CCNB3: variants seen among roughly 807,000 people sequenced by gnomAD.
CCNB3 encodes the protein cyclin B3, also known as G2/mitotic-specific cyclin-B3.
CCNB3 carries 12 observed loss-of-function variants against 68.0 expected under a neutral mutation model. That is an observed-to-expected ratio of 0.18 (90% CI 0.11 to 0.29). CCNB3 has a LOEUF of 0.29. Among genes scored for constraint, CCNB3 ranks in the 10% least tolerant of loss-of-function variants. The pLI, the probability that CCNB3 is intolerant of heterozygous loss-of-function variation, is 1.00. For synonymous variants in CCNB3, 354 were observed against 388.9 expected, an observed-to-expected ratio of 0.91 and a Z score of 1.06; for missense variants, 904 against 993.1, an observed-to-expected ratio of 0.91 and a Z score of 1.21.
Position 50,216,421 on chromosome X carries a change from A to G in CCNB3, c.-113+11471A>G, listed in dbSNP as rs1476333841. 5.5e-5 allele frequency among the ~76,000 whole-genome samples: 6 copies of G among 109,459 alleles called. No homozygotes were observed. In the Admixed American group the frequency reaches 5.9e-4, roughly 11 times the overall value. ...GTAGCTGGGACTACAGGGTCGGGCCACCACACCCAGCTAATTTTTTGTATT... is the reference window on the plus strand; with the variant it reads ...GTAGCTGGGACTACAGGGTCGGGCCGCCACACCCAGCTAATTTTTTGTATT... On this transcript the variant is annotated intron_variant, in intron 1 of 12. Coordinates refer to ENST00000376042, the MANE Select transcript of CCNB3 (RefSeq NM_033031.3).
At chrX:50,282,637 T>G (rs1936160029) in intron 1 of CCNB3, among the ~76,000 whole-genome samples, 1 of 111,667 alleles carries the variant, frequency 9.0e-6, no homozygotes, top group Admixed American at 9.6e-5. Flanking sequence ...TTTTTGATAG[T>G]GTCAATCCCC....
chrX:50,313,487 T>TG (rs2147066842), intron 7 of CCNB3, among the ~76,000 whole-genome samples: 1 of 112,333 alleles, frequency 8.9e-6, no homozygotes, highest in Admixed American at 9.4e-5. Context: ...AAGTTTTACA[T>TG]GATCCCCAAG....
intron 1 of CCNB3, among the ~76,000 whole-genome samples, chrX:50,220,276 T>G (rs1293355856): frequency 8.9e-6 from 1 of 111,805 alleles, no homozygotes; most frequent in African/African-American, 3.2e-5. Flanking sequence ...TCTTGCCTGA[T>G]TGCCCTGGCC....
At chrX:50,333,066 C>G (rs1157551093) in intron 8 of CCNB3, among the ~76,000 whole-genome samples, 1 of 111,487 alleles carries the variant, frequency 9.0e-6, no homozygotes, top group Non-Finnish European at 1.9e-5. Flanking sequence ...GACATACTTT[C>G]CCTAAACTAT....
At chrX:50,219,562 T>C (rs1476858087) in intron 1 of CCNB3, among the ~76,000 whole-genome samples, 1 of 111,353 alleles carries the variant, frequency 9.0e-6, no homozygotes, top group Non-Finnish European at 1.9e-5. Context: ...GTCAAGTTTG[T>C]CAAAGATCAG....
intron 9 of CCNB3, among the ~76,000 whole-genome samples, chrX:50,345,790 T>C (rs1923374415): frequency 8.9e-6 from 1 of 111,944 alleles, no homozygotes; most frequent in Admixed American, 9.5e-5. Flanking sequence ...GTTCCTGCCC[T>C]GGTGTTGCCA....
At chrX:50,341,038 G>T (rs1923098837) in intron 8 of CCNB3, among the ~76,000 whole-genome samples, 1 of 111,840 alleles carries the variant, frequency 8.9e-6, no homozygotes. Context: ...TTAAAAAGTA[G>T]ACAAAGATCA....
At chrX:50,336,916 G>A (rs148613230) in intron 8 of CCNB3, among the ~76,000 whole-genome samples, 2,391 of 111,585 alleles carry the variant, frequency 0.021, 32 homozygotes, top group Non-Finnish European at 0.035. Context: ...GCAGCTGGTG[G>A]CAATCAGCCC....
At chrX:50,227,625 G>T (rs970959926) in intron 1 of CCNB3, among the ~76,000 whole-genome samples, 12 of 74,745 alleles carry the variant, frequency 1.6e-4, no homozygotes, top group Non-Finnish European at 2.7e-4. Context: ...AATATATATA[G>T]AGAGAATACA....
intron 1 of CCNB3, among the ~76,000 whole-genome samples, chrX:50,226,628 A>G (rs1307166142): frequency 1.3e-5 from 1 of 75,719 alleles, no homozygotes; most frequent in Non-Finnish European, 2.3e-5. Flanking sequence ...TATATAGAAT[A>G]TATCTATAAA....
chrX:50,330,535 A>G (rs1557217926), intron 8 of CCNB3, among the ~76,000 whole-genome samples: 1 of 112,046 alleles, frequency 8.9e-6, no homozygotes, highest in African/African-American at 3.2e-5. Context: ...TTCTTGCAAG[A>G]CAGATCGATA....
chrX:50,228,819 A>G (rs1312129577), intron 1 of CCNB3, among the ~76,000 whole-genome samples: 7 of 57,461 alleles, frequency 1.2e-4, no homozygotes, highest in African/African-American at 4.9e-4. Context: ...GAATATATAT[A>G]TAGAATATAT....
chrX:50,341,126 G>A (rs1421431719), intron 8 of CCNB3, among the ~76,000 whole-genome samples: 1 of 110,006 alleles, frequency 9.1e-6, no homozygotes, highest in Non-Finnish European at 1.9e-5. Flanking sequence ...TCAGGAGATC[G>A]AGACCATCCT....
At chrX:50,341,620 A>T (rs1923148767) in intron 8 of CCNB3, 1 of 110,581 alleles carries the variant, frequency 9.0e-6, no homozygotes. Flanking sequence ...TAGACTAAGA[A>T]AAAAATGAGA....
intron 3 of CCNB3, among the ~76,000 whole-genome samples, chrX:50,288,328 T>C (rs370858378): frequency 3.6e-5 from 4 of 110,385 alleles, no homozygotes; most frequent in African/African-American, 1.3e-4. Context: ...ATTATTAAAC[T>C]GATCTACCTG....
intron 8 of CCNB3, among the ~76,000 whole-genome samples, chrX:50,334,610 C>T (rs1464331894): frequency 8.9e-6 from 1 of 112,630 alleles, no homozygotes; most frequent in Non-Finnish European, 1.9e-5. Flanking sequence ...CAGGGCCCCA[C>T]AGTCTGGGTT....
intron 1 of CCNB3, among the ~76,000 whole-genome samples, chrX:50,225,798 C>G (rs1232904992): frequency 9.3e-6 from 1 of 107,072 alleles, no homozygotes; most frequent in African/African-American, 3.4e-5. Flanking sequence ...CTTGACAATT[C>G]AAAGTTCTAT....
intron 5 of CCNB3, among the ~76,000 whole-genome samples, chrX:50,304,336 A>C (rs12850938): frequency 0.035 from 3,865 of 111,442 alleles, 74 homozygotes; most frequent in Middle Eastern, 0.096. Context: ...ATTCTATATA[A>C]ATTTTAGAAT....
chrX:50,213,425 G>T (rs1460434805), intron 1 of CCNB3, among the ~76,000 whole-genome samples: 5 of 111,215 alleles, frequency 4.5e-5, no homozygotes, highest in East Asian at 5.7e-4. Context: ...ATCTTGTTAA[G>T]AATTTTGTTT....
Sources: gnomAD v4.1 joint callset for allele counts (sites outside exome capture counted in the v4.1 genomes callset) on GRCh38, gnomAD v4.1.1 for gene constraint, MANE v1.5 for transcripts, NCBI Gene and HGNC (gene_info 2026-07-23, HGNC 2026-07-21) for gene names.